The following DTNA variants were observed in gnomAD, a reference collection of about 807,000 sequenced individuals.
The protein encoded by DTNA is dystrobrevin alpha, also known as dystrophin-related protein 3.
DTNA carries 43 observed loss-of-function variants against 100.7 expected under a neutral mutation model. The ratio of observed to expected loss-of-function variants is 0.43; its 90% CI spans 0.33 to 0.55. The LOEUF (loss-of-function observed/expected upper bound fraction) is 0.55. Among genes scored for constraint, DTNA ranks in the 20% least tolerant of loss-of-function variants. The pLI, the probability that DTNA is intolerant of heterozygous loss-of-function variation, is 0.04. For missense variants in DTNA, 798 were observed against 953.9 expected, an observed-to-expected ratio of 0.84 and a Z score of 2.15; for synonymous variants, 349 against 347.9, an observed-to-expected ratio of 1.00 and a Z score of -0.04.
intron 1 of DTNA, among the ~76,000 whole-genome samples, chr18:34,524,808 C>G (rs2042459497): frequency 6.6e-6 from 1 of 151,828 alleles, no homozygotes; most frequent in African/African-American, 2.4e-5. Context: ...GAAAAATATT[C>G]CTGGAAGCTG....
chr18:34,538,718 G>A (rs779006954), intron 1 of DTNA, among the ~76,000 whole-genome samples: 20 of 151,892 alleles, frequency 1.3e-4, no homozygotes, highest in Admixed American at 2.0e-4. Context: ...ATGTTCTTTG[G>A]TATTGTTTAA....
At chr18:34,747,104 C>CTATATATATATATATATATATATA (rs35537934) in intron 1 of DTNA, among the ~76,000 whole-genome samples, 33 of 148,306 alleles carry the variant, frequency 2.2e-4, no homozygotes, top group African/African-American at 8.3e-4. Context: ...ATATCTGTAT[C>CTATATATATATATATATATATATA]TATATATATA....
intron 1 of DTNA, among the ~76,000 whole-genome samples, chr18:34,743,930 C>CT (rs2091152674): frequency 6.6e-6 from 1 of 152,072 alleles, no homozygotes; most frequent in South Asian, 2.1e-4. Flanking sequence ...TCTCATCTTC[C>CT]TTATCTCAAA....
At chr18:34,649,619 T>C (rs1568118796) in intron 1 of DTNA, among the ~76,000 whole-genome samples, 1 of 152,322 alleles carries the variant, frequency 6.6e-6, no homozygotes, top group East Asian at 1.9e-4. Context: ...ATTGAGGGAA[T>C]TATGATTTCT....
intron 1 of DTNA, among the ~76,000 whole-genome samples, chr18:34,519,011 T>C (rs994726533): frequency 2.0e-5 from 3 of 151,962 alleles, no homozygotes; most frequent in African/African-American, 2.4e-5. Context: ...AGTGAATAGA[T>C]CTGAGGAGTA....
chr18:34,634,734 A>G (rs369487349), intron 1 of DTNA, among the ~76,000 whole-genome samples: 1 of 152,310 alleles, frequency 6.6e-6, no homozygotes. Flanking sequence ...ATTGTATACT[A>G]TATACAAAAT....
chr18:34,587,899 C>T lies in DTNA; in HGVS notation c.-2+94385C>T, dbSNP rs111872355. 2.9e-3 allele frequency among the ~76,000 whole-genome samples: 447 copies of T among 152,242 alleles called. 4 individuals are homozygous for T. The highest frequency in any genetic ancestry group is 0.01 in the African/African-American group (416 of 41,524). On this transcript the variant is annotated intron_variant, in intron 1 of 19. Transcript: ENST00000283365. ...AAATCCTGTATCCCAGGAAATCCCT[C>T]GGGCCTAGACAAAACAGAATGGCTG...
intron 1 of DTNA, among the ~76,000 whole-genome samples, chr18:34,635,931 T>C (rs1427458647): frequency 1.3e-5 from 2 of 151,868 alleles, no homozygotes; most frequent in Non-Finnish European, 2.9e-5. Flanking sequence ...ACCTGTGAAA[T>C]ATCCAAGATT....
intron 1 of DTNA, among the ~76,000 whole-genome samples, chr18:34,522,939 T>C (rs2042283689): frequency 1.3e-5 from 2 of 152,226 alleles, no homozygotes; most frequent in South Asian, 4.1e-4. Flanking sequence ...GGAGACAAAT[T>C]CTTGAACAGA....
At chr18:34,549,281 A>G (rs2045142357) in intron 1 of DTNA, among the ~76,000 whole-genome samples, 1 of 152,094 alleles carries the variant, frequency 6.6e-6, no homozygotes, top group Non-Finnish European at 1.5e-5. Flanking sequence ...ATCCCATCAT[A>G]CAAGGATTCC....
chr18:34,798,611 C>G (rs66840772), intron 4 of DTNA, among the ~76,000 whole-genome samples: 22,978 of 152,146 alleles, frequency 0.15, 2,149 homozygotes, highest in African/African-American at 0.27. Context: ...TTATGTGACT[C>G]TAGCCTTGTT....
At chr18:34,874,067 G>C (rs1212050915) in intron 17 of DTNA, among the ~76,000 whole-genome samples, 1 of 152,176 alleles carries the variant, frequency 6.6e-6, no homozygotes, top group African/African-American at 2.4e-5. Context: ...AATTATGCGT[G>C]ATGCTGAGCC....
chr18:34,615,723 A>G (rs1183379608), intron 1 of DTNA, among the ~76,000 whole-genome samples: 1 of 152,156 alleles, frequency 6.6e-6, no homozygotes, highest in Admixed American at 6.5e-5. Context: ...AGGCAACTTT[A>G]CAGACCTCAC....
chr18:34,675,067 T>C (rs1482224011), intron 1 of DTNA, among the ~76,000 whole-genome samples: 1 of 152,038 alleles, frequency 6.6e-6, no homozygotes, highest in African/African-American at 2.4e-5. Flanking sequence ...AATTACATAA[T>C]AGAATTAGGA....
intron 1 of DTNA, among the ~76,000 whole-genome samples, chr18:34,751,963 A>G (rs2092356434): frequency 1.3e-5 from 2 of 152,250 alleles, no homozygotes; most frequent in African/African-American, 2.4e-5. Context: ...TATAAGCGAA[A>G]ACAACATATG....
At chr18:34,869,265 G>C (rs927353948) in intron 17 of DTNA, among the ~76,000 whole-genome samples, 7 of 151,944 alleles carry the variant, frequency 4.6e-5, no homozygotes, top group Non-Finnish European at 1.0e-4. Context: ...ATACACACAG[G>C]TATATATAAA....
chr18:34,538,627 T>G (rs2043952338), intron 1 of DTNA, among the ~76,000 whole-genome samples: 1 of 152,014 alleles, frequency 6.6e-6, no homozygotes, highest in South Asian at 2.1e-4. Context: ...AAAAATCTTG[T>G]ATAAATGTTG....
At position 34,874,985 on chromosome 18, in the gene DTNA, C is replaced by T. The variant is rs9958898; in HGVS notation, c.1744-254C>T. ...TACCTTCATTTTATGGGCACATGTC[C>T]CATATACTGTAGAGCAATGCTGTAC... On this transcript the variant is annotated intron_variant, in intron 17 of 22. Transcript: ENST00000444659. Among the ~76,000 whole-genome samples the T allele has an allele frequency of 9.8e-3, 1,489 of 152,248 alleles. 32 individuals carry two copies. The highest frequency in any genetic ancestry group is 0.034 in the African/African-American group (1,425 of 41,516).
chr18:34,851,879 G>A lies in DTNA; in HGVS notation c.1483G>A (p.Ala495Thr), dbSNP rs1190400190. The A allele has an allele frequency of 1.4e-5, 23 of 1,613,960 alleles. No homozygotes were observed. Among genetic ancestry groups the A allele is most frequent in the Middle Eastern group, 1.6e-4 (1 of 6,082 alleles). ...SAPDISFTID[A>T]NKQQRQLIAE... ...TCCTGACATCTCTTTCACCATCGATGCGAATAAGCAGCAAAGGCAGCTGAT... is the reference window on the plus strand; with the variant it reads ...TCCTGACATCTCTTTCACCATCGATACGAATAAGCAGCAAAGGCAGCTGAT... Residue 495 changes from alanine (A) to threonine (T), a missense_variant, in exon 15 of 23, where the codon GCG becomes ACG. Physicochemically the swap from Ala to Thr is moderately conservative, Grantham distance 58 (BLOSUM62 0). This residue lies in a region of DTNA where 159 missense variants were observed against 201.2 expected (regional missense o/e 0.79). Transcript: ENST00000444659.
Sources: gnomAD v4.1 joint callset for allele counts (sites outside exome capture counted in the v4.1 genomes callset) on GRCh38, gnomAD v4.1.1 for gene constraint, gnomAD v4.1.1 regional missense constraint, MANE v1.5 for transcripts, NCBI Gene and HGNC (gene_info 2026-07-23, HGNC 2026-07-21) for gene names.